ERC2: variants seen among roughly 807,000 people sequenced by gnomAD.
ERC2 encodes the protein ERC protein 2.
A neutral mutation model predicts 114.8 loss-of-function variants in ERC2; 42 were observed. The ratio of observed to expected loss-of-function variants is 0.37; its 90% CI spans 0.29 to 0.47. ERC2 has a LOEUF of 0.47. Ranked by LOEUF, ERC2 falls within the 20% of genes least tolerant of loss-of-function variation. ERC2 has a pLI of 0.99. For missense variants in ERC2, 939 were observed against 1,150.7 expected, an observed-to-expected ratio of 0.82 and a Z score of 2.66; for synonymous variants, 454 against 425.5, an observed-to-expected ratio of 1.07 and a Z score of -0.82.
rs145773737 is a variant in ERC2 at position 55,723,918 on chromosome 3, C to T, written c.2712+10853G>A. Among the ~76,000 whole-genome samples the T allele has an allele frequency of 1.5e-4, 23 of 151,880 alleles. 1 individual carries two copies. Among genetic ancestry groups the T allele is most frequent in the African/African-American group, 5.3e-4 (22 of 41,392 alleles). On this transcript the variant is annotated intron_variant, in intron 15 of 17. Coordinates refer to ENST00000288221, the MANE Select transcript of ERC2 (RefSeq NM_015576.3). ...AGGACACAAGGGCAGGAAGTGGGAT[C>T]TTTTTTCAATGTATTTGAAATGATA... is the stretch of plus-strand genomic sequence containing the variant.
intron 14 of ERC2, among the ~76,000 whole-genome samples, chr3:55,822,337 G>A (rs1195532303): frequency 6.6e-6 from 1 of 152,032 alleles, no homozygotes; most frequent in African/African-American, 2.4e-5. Flanking sequence ...AACACATGGG[G>A]CCTGTTTCTG....
chr3:56,125,251 C>T (rs532665164), intron 6 of ERC2, among the ~76,000 whole-genome samples: 5 of 152,226 alleles, frequency 3.3e-5, no homozygotes, highest in Non-Finnish European at 7.4e-5. Flanking sequence ...TTCCTTGAAT[C>T]AGGCTTATGT....
At chr3:56,054,347 TAAA>T (rs2075907529) in intron 7 of ERC2, among the ~76,000 whole-genome samples, 2 of 152,140 alleles carry the variant, frequency 1.3e-5, no homozygotes, top group Non-Finnish European at 2.9e-5. Context: ...GGTTTCAAAG[TAAA>T]AATTCCAGAG....
chr3:56,267,318 G>T (rs908949542), intron 3 of ERC2, among the ~76,000 whole-genome samples: 1 of 152,138 alleles, frequency 6.6e-6, no homozygotes, highest in Non-Finnish European at 1.5e-5. Context: ...GGGTCAACGT[G>T]GGTGAAGCTA....
chr3:55,662,068 G>C (rs1175864089), intron 17 of ERC2, among the ~76,000 whole-genome samples: 2 of 152,186 alleles, frequency 1.3e-5, no homozygotes, highest in Non-Finnish European at 2.9e-5. Context: ...TGAACAGGGA[G>C]GACTCTTGGG....
chr3:55,521,057 T>C (rs753843565), intron 17 of ERC2, among the ~76,000 whole-genome samples: 17 of 152,234 alleles, frequency 1.1e-4, no homozygotes, highest in Non-Finnish European at 1.9e-4. Flanking sequence ...AGGATCTTCA[T>C]AGAGCCAATA....
At chr3:56,145,511 T>C (rs2081090063) in intron 5 of ERC2, among the ~76,000 whole-genome samples, 1 of 152,180 alleles carries the variant, frequency 6.6e-6, no homozygotes, top group African/African-American at 2.4e-5. Flanking sequence ...AAGATTCAGC[T>C]CTCACAGTTT....
rs72873515 is a variant in ERC2 at position 55,678,152 on chromosome 3, T to C, written c.*39+5642A>G. 3.6e-3 allele frequency among the ~76,000 whole-genome samples: 551 copies of C among 152,226 alleles called. 4 individuals carry two copies. Among genetic ancestry groups the C allele is most frequent in the African/African-American group, 0.012 (518 of 41,548 alleles). On this transcript the variant is annotated intron_variant, in intron 17 of 17. Coordinates refer to ENST00000288221, the MANE Select transcript of ERC2 (RefSeq NM_015576.3). ...GGACAGAGATAAAGCAAAAACATCT[T>C]ACTTTGCCCAGGAATCGATTTTGCA...
intron 14 of ERC2, among the ~76,000 whole-genome samples, chr3:55,818,681 G>T (rs1422586670): frequency 6.6e-6 from 1 of 152,196 alleles, no homozygotes; most frequent in Non-Finnish European, 1.5e-5. Context: ...CCACAGAGGG[G>T]TGCTACGTGT....
chr3:56,296,076 G>A lies in ERC2; in HGVS notation c.1017C>T (p.Val339=). 6.2e-7 allele frequency: 1 copy of A among 1,611,530 alleles called. No individual in the cohort carries two copies. Among genetic ancestry groups the A allele is most frequent in the Non-Finnish European group, 8.5e-7 (1 of 1,178,298 alleles). ...GATCTAAAATCACTTCCAAGTGGCT[G>A]ACCTGAGACTCAGCCTCTGCCATCC... The part of the protein sequence containing the change: ...TRRMAEAESQ[V]SHLEVILDQK... The change falls in exon 3 of 18, where the codon GTC becomes GTT. Residue 339 remains valine (V), a synonymous_variant. Transcript: ENST00000288221.
chr3:56,291,726 T>A (rs2055098402), intron 3 of ERC2, among the ~76,000 whole-genome samples: 1 of 152,108 alleles, frequency 6.6e-6, no homozygotes, highest in South Asian at 2.1e-4. Context: ...TTGTTTTAGA[T>A]TCATCTATAT....
At chr3:55,547,990 G>A (rs980525343) in intron 17 of ERC2, among the ~76,000 whole-genome samples, 1 of 152,216 alleles carries the variant, frequency 6.6e-6, no homozygotes, top group Admixed American at 6.5e-5. Flanking sequence ...GCCTTCTTCA[G>A]GCTGTCAGGT....
At chr3:55,855,552 G>A (rs954348189) in intron 14 of ERC2, among the ~76,000 whole-genome samples, 2 of 152,184 alleles carry the variant, frequency 1.3e-5, no homozygotes, top group African/African-American at 4.8e-5. Flanking sequence ...AGGGGGGGAT[G>A]ATTTACCATT....
At chr3:56,136,193 C>T (rs2080495556) in intron 6 of ERC2, among the ~76,000 whole-genome samples, 2 of 152,062 alleles carry the variant, frequency 1.3e-5, no homozygotes, top group African/African-American at 2.4e-5. Context: ...ATGCAAATTC[C>T]CTGGTAGCAA....
At chr3:55,816,213 G>A (rs928422135) in intron 14 of ERC2, among the ~76,000 whole-genome samples, 27 of 152,184 alleles carry the variant, frequency 1.8e-4, no homozygotes, top group African/African-American at 5.1e-4. Context: ...AGCGTGTATC[G>A]GATGGGAGAG....
intron 2 of ERC2, among the ~76,000 whole-genome samples, chr3:56,387,268 T>C (rs2059966217): frequency 6.6e-6 from 1 of 152,202 alleles, no homozygotes; most frequent in African/African-American, 2.4e-5. Flanking sequence ...CAATTTGTTA[T>C]TATTGTTATA....
chr3:55,952,158 C>CACACAG (rs2067572095), intron 12 of ERC2, among the ~76,000 whole-genome samples: 2 of 59,952 alleles, frequency 3.3e-5, no homozygotes, highest in East Asian at 3.3e-4. Context: ...CACACACACA[C>CACACAG]ACACACACAC....
rs189737602 is a variant in ERC2 at position 55,876,528 on chromosome 3, G to C, written c.2564+11861C>G. Among the ~76,000 whole-genome samples the C allele has an allele frequency of 6.8e-4, 103 of 152,326 alleles. No homozygotes were observed. The East Asian group carries it at 0.01, about 15-fold the overall frequency. ...ATCTGGCTACCCAGAGGGATGTTGT[G>C]AAGAAGGAACAAATGGTAAGGAGAA... On this transcript the variant is annotated intron_variant, in intron 14 of 17. Coordinates refer to ENST00000288221, the MANE Select transcript of ERC2 (RefSeq NM_015576.3).
intron 17 of ERC2, among the ~76,000 whole-genome samples, chr3:55,569,863 T>TA (rs1430409868): frequency 1.7e-5 from 2 of 116,166 alleles, no homozygotes; most frequent in Non-Finnish European, 3.4e-5. Flanking sequence ...TCATTTCTAT[T>TA]TTTTTTTTTT....
Sources: allele counts gnomAD v4.1 joint callset (sites outside exome capture counted in the v4.1 genomes callset), GRCh38; gene constraint gnomAD v4.1.1; transcripts MANE v1.5; gene names NCBI Gene and HGNC (gene_info 2026-07-23, HGNC 2026-07-21).